Variants in PLCB4 observed in about 807,000 individuals in gnomAD.
The protein encoded by PLCB4 is phospholipase C beta 4, also known as 1-phosphatidylinositol 4,5-bisphosphate phosphodiesterase beta-4.
A neutral mutation model predicts 178.8 loss-of-function variants in PLCB4; 77 were observed. The ratio of observed to expected loss-of-function variants is 0.43; its 90% CI spans 0.36 to 0.52. The LOEUF (loss-of-function observed/expected upper bound fraction) is 0.52, where lower values mean the gene tolerates loss of function less well. PLCB4 is among the 20% of genes least tolerant of loss of function. PLCB4 has a pLI of 0.00. For missense variants in PLCB4, 1,024 were observed against 1,453.4 expected (o/e 0.70, Z 4.80); for synonymous variants, 496 against 490.8 (o/e 1.01, Z -0.14).
At position 9,254,215 on chromosome 20, in the gene PLCB4, A is replaced by C. The variant is rs143724280; in HGVS notation, c.-16+36763A>C. ...AAATAAAATAACCGGATTATATTAA[A>C]AAATAACTGTTTTTATTTGAAGACT... On this transcript the variant is annotated intron_variant, in intron 3 of 39. Coordinates refer to ENST00000378473, the MANE Select transcript of PLCB4 (RefSeq NM_001377142.1). Among the ~76,000 whole-genome samples, 41 of 152,374 alleles carry C rather than the reference A, an allele frequency of 2.7e-4. No homozygotes were observed. The East Asian group carries it at 6.7e-3, about 25-fold the overall frequency.
intron 2 of PLCB4, among the ~76,000 whole-genome samples, chr20:9,146,244 A>G (rs1386187330): frequency 1.3e-5 from 2 of 152,102 alleles, no homozygotes; most frequent in Non-Finnish European, 2.9e-5. Flanking sequence ...GTGAGACAAT[A>G]TTAGTGCTTT....
At chr20:9,152,004 A>G (rs2092700021) in intron 2 of PLCB4, among the ~76,000 whole-genome samples, 1 of 152,150 alleles carries the variant, frequency 6.6e-6, no homozygotes. Flanking sequence ...GAATGGCAGC[A>G]TTTTGCCCCT....
chr20:9,470,440 A>G (rs1243839528), intron 36 of PLCB4, among the ~76,000 whole-genome samples: 2 of 152,196 alleles, frequency 1.3e-5, no homozygotes, highest in Non-Finnish European at 2.9e-5. Flanking sequence ...CAGTTTGAAA[A>G]CACCAAATAT....
intron 7 of PLCB4, among the ~76,000 whole-genome samples, chr20:9,347,170 G>A (rs1051145685): frequency 6.6e-6 from 1 of 152,160 alleles, no homozygotes; most frequent in Non-Finnish European, 1.5e-5. Context: ...AGACAAATAC[G>A]GGAGGGTGTG....
chr20:9,434,866 G>A (rs2041667582), intron 28 of PLCB4, among the ~76,000 whole-genome samples: 1 of 152,122 alleles, frequency 6.6e-6, no homozygotes, highest in South Asian at 2.1e-4. Context: ...ATTATGGATG[G>A]TTTCAAGTTA....
intron 33 of PLCB4, among the ~76,000 whole-genome samples, chr20:9,455,783 A>G (rs1447059141): frequency 6.6e-6 from 1 of 152,226 alleles, no homozygotes; most frequent in East Asian, 1.9e-4. Context: ...GACATCAGAT[A>G]CTTTCTTCTG....
chr20:9,436,886 T>C (rs911878037), intron 29 of PLCB4, 116 bp from the exon 30 acceptor site: 1 of 922,784 alleles, frequency 1.1e-6, no homozygotes. Flanking sequence ...TTTAAGAGAG[T>C]AGAAGTCTAG....
chr20:9,123,533 C>G (rs2146765729), intron 2 of PLCB4, among the ~76,000 whole-genome samples: 1 of 151,006 alleles, frequency 6.6e-6, no homozygotes, highest in East Asian at 2.0e-4. Flanking sequence ...TATTTTTTAA[C>G]ATGAAGTAAT....
chr20:9,308,395 G>T (rs1409315401), intron 4 of PLCB4, among the ~76,000 whole-genome samples: 1 of 152,172 alleles, frequency 6.6e-6, no homozygotes, highest in Non-Finnish European at 1.5e-5. Flanking sequence ...TTGCAAGGTG[G>T]TGATGACTCC....
At chr20:9,395,840 C>T (rs1191608247) in intron 19 of PLCB4, among the ~76,000 whole-genome samples, 2 of 152,022 alleles carry the variant, frequency 1.3e-5, no homozygotes, top group African/African-American at 2.4e-5. Context: ...GACGTGGTGG[C>T]CTGTGTCTGT....
At chr20:9,247,935 A>T (rs2094141932) in intron 3 of PLCB4, among the ~76,000 whole-genome samples, 1 of 152,262 alleles carries the variant, frequency 6.6e-6, no homozygotes, top group Admixed American at 6.5e-5. Context: ...TTTTCTTTCA[A>T]ATTTAAATAG....
At chr20:9,086,909 C>T (rs2090454021) in intron 1 of PLCB4, among the ~76,000 whole-genome samples, 1 of 152,152 alleles carries the variant, frequency 6.6e-6, no homozygotes. Flanking sequence ...TTTATATTTA[C>T]CCTTTTATCA....
intron 9 of PLCB4, among the ~76,000 whole-genome samples, chr20:9,369,282 GATTGCTATGCAAAGATTGTTCT>G (rs1291446539): frequency 6.6e-6 from 1 of 152,170 alleles, no homozygotes; most frequent in East Asian, 1.9e-4. Context: ...ATACCCCTGA[GATTGCTATGCAAAGATTGTTCT>G]CCTGAGAGCA....
intron 3 of PLCB4, among the ~76,000 whole-genome samples, chr20:9,225,567 G>A (rs1453661606): frequency 2.6e-5 from 4 of 152,092 alleles, no homozygotes; most frequent in Admixed American, 2.0e-4. Context: ...ATTGTATTAC[G>A]GTTGTTTTTC....
In PLCB4 at chr20:9,372,369, C is replaced by A; in HGVS notation, c.652C>A (p.Pro218Thr). Residue 218 changes from proline (P) to threonine (T), a missense_variant, in exon 11 of 40, where the codon CCT becomes ACT. By Grantham distance (38) the Pro-to-Thr change is conservative. This residue lies in a region of PLCB4 where 225 missense variants were observed against 291.0 expected (regional missense o/e 0.77). Coordinates refer to ENST00000378473, the MANE Select transcript of PLCB4 (RefSeq NM_001377142.1). ...KFYELTQKIC[P>T]RTDIEDLFKK... is the part of the protein sequence containing the mutation. ...CTATGAACTGACACAAAAGATTTGT[C>A]CTCGGACAGATATAGAAGATCTTTT... 6.3e-7 allele frequency: 1 copy of A among 1,598,240 alleles called. No individual in the cohort carries two copies. Among genetic ancestry groups the A allele is most frequent in the Non-Finnish European group, 8.6e-7 (1 of 1,166,776 alleles).
At chr20:9,411,488 G>A (rs1354385336) in intron 25 of PLCB4, among the ~76,000 whole-genome samples, 1 of 152,170 alleles carries the variant, frequency 6.6e-6, no homozygotes, top group Non-Finnish European at 1.5e-5. Flanking sequence ...ATGTAATGAA[G>A]TTGTGGGTGT....
chr20:9,341,542 T>C (rs947199114), intron 7 of PLCB4, among the ~76,000 whole-genome samples: 1 of 152,046 alleles, frequency 6.6e-6, no homozygotes, highest in Non-Finnish European at 1.5e-5. Flanking sequence ...TTTATCCTCA[T>C]CATCCTCACG....
intron 36 of PLCB4, among the ~76,000 whole-genome samples, chr20:9,472,223 C>T (rs531812861): frequency 6.6e-6 from 1 of 152,162 alleles, no homozygotes; most frequent in Non-Finnish European, 1.5e-5. Flanking sequence ...TGTGCCTGGC[C>T]AGCAACATCA....
chr20:9,251,690 C>A (rs1001415919), intron 3 of PLCB4, among the ~76,000 whole-genome samples: 6 of 152,116 alleles, frequency 3.9e-5, no homozygotes, highest in Admixed American at 1.3e-4. Context: ...CCCCTTAGTT[C>A]TTACCCATTA....
Sources: allele counts gnomAD v4.1 joint callset (sites outside exome capture counted in the v4.1 genomes callset), GRCh38; gene constraint gnomAD v4.1.1; regional missense constraint gnomAD v4.1.1; transcripts MANE v1.5; gene names NCBI Gene and HGNC (gene_info 2026-07-23, HGNC 2026-07-21).